TOP3A: variants seen among roughly 807,000 people sequenced by gnomAD.
The protein encoded by TOP3A is DNA topoisomerase 3-alpha.
TOP3A carries 64 observed loss-of-function variants against 111.3 expected under a neutral mutation model. The observed-to-expected ratio is 0.57, with a 90% CI of 0.47 to 0.71. The LOEUF is 0.71. Ranked by LOEUF, TOP3A falls within the 30% of genes least tolerant of loss-of-function variation. The pLI, the probability that TOP3A is intolerant of heterozygous loss-of-function variation, is 0.00. For synonymous variants in TOP3A, 484 were observed against 485.1 expected (o/e 1.00, Z 0.03); for missense variants, 1,104 against 1,285.0 (o/e 0.86, Z 2.15).
At chr17:18,291,178 T>C in intron 11 of TOP3A, 151 bp from the exon 12 acceptor site, 1 of 760,490 alleles carries the variant, frequency 1.3e-6, no homozygotes, top group Non-Finnish European at 2.1e-6. Flanking sequence ...GGCAAACAAG[T>C]CCTGGGGAGA....
intron 13 of TOP3A, among the ~76,000 whole-genome samples, chr17:18,288,884 G>A (rs182685987): frequency 3.6e-4 from 55 of 152,292 alleles, no homozygotes; most frequent in Non-Finnish European, 6.5e-4. Context: ...ATTCCTCCTT[G>A]TGTCCCTGGT....
intron 9 of TOP3A, among the ~76,000 whole-genome samples, chr17:18,296,219 T>A (rs911907659): frequency 6.6e-6 from 1 of 152,286 alleles, no homozygotes; most frequent in African/African-American, 2.4e-5. Flanking sequence ...AAGCTAACAA[T>A]GCTGATGACT....
In TOP3A at chr17:18,275,661, C is replaced by CT. The variant is rs1555567585; in HGVS notation, c.2828-682dup. On this transcript the variant is annotated intron_variant, in intron 18 of 18. Transcript: ENST00000321105. Reference sequence around the variant, plus strand: ...ACAGGCGTGAGCCACCGTGCCCGGCCTTTTTTTTTTGAGGTGGAGTCTGGC... The same window carrying CT: ...ACAGGCGTGAGCCACCGTGCCCGGCCTTTTTTTTTTTGAGGTGGAGTCTGGC... Among the ~76,000 whole-genome samples, 87 of 141,072 alleles carry CT rather than the reference C, an allele frequency of 6.2e-4. 1 individual carries two copies. The highest frequency in any genetic ancestry group is 3.4e-4 in the Non-Finnish European group (22 of 64,834). 92.5% of individuals were successfully genotyped at this position (141,072 alleles called of 152,430 possible).
chr17:18,285,703 G>A (rs941679102), intron 13 of TOP3A, among the ~76,000 whole-genome samples, 183 bp from the exon 14 acceptor site: 1 of 152,096 alleles, frequency 6.6e-6, no homozygotes, highest in African/African-American at 2.4e-5. Context: ...CAACTCTCTT[G>A]TTCCCTCACA....
At chr17:18,307,122 C>T (rs1981627657) in intron 3 of TOP3A, 156 bp from the exon 4 acceptor site, 1 of 570,816 alleles carries the variant, frequency 1.8e-6, no homozygotes, top group Admixed American at 3.2e-5. Flanking sequence ...GCATGACACA[C>T]TGTCCACTTC....
chr17:18,293,119 C>A (rs1003236575), intron 10 of TOP3A, among the ~76,000 whole-genome samples: 5 of 152,214 alleles, frequency 3.3e-5, no homozygotes, highest in African/African-American at 4.8e-5. Flanking sequence ...GCCTCATAGC[C>A]TGGGGCTTGT....
At chr17:18,279,640 C>T (rs1412980686) in intron 17 of TOP3A, among the ~76,000 whole-genome samples, 6 of 151,998 alleles carry the variant, frequency 3.9e-5, no homozygotes, top group African/African-American at 9.7e-5. Flanking sequence ...CCGCCTGTCT[C>T]GGCCTCCCAA....
chr17:18,308,223 CAAAAAAAA>C (rs201230376), intron 3 of TOP3A, 120 bp downstream of exon 3: 155 of 245,666 alleles, frequency 6.3e-4, no homozygotes, highest in South Asian at 2.5e-3. Flanking sequence ...TTGTCTCCAA[CAAAAAAAA>C]AAAAAAAAAA....
chr17:18,314,570 A>G, intron 1 of TOP3A, 29 bp downstream of exon 1: 1 of 1,589,410 alleles, frequency 6.3e-7, no homozygotes, highest in South Asian at 1.1e-5. Flanking sequence ...CCCTTAAGGC[A>G]CGCAGCTGAT....
chr17:18,280,702 G>A (rs1274494613), intron 16 of TOP3A, 44 bp from the exon 17 acceptor site: 1 of 1,603,694 alleles, frequency 6.2e-7, no homozygotes, highest in South Asian at 1.1e-5. Flanking sequence ...TGCAGGAGAT[G>A]CTCTCCGCTG....
At chr17:18,286,346 A>AC (rs1980101208) in intron 13 of TOP3A, among the ~76,000 whole-genome samples, 1 of 103,818 alleles carries the variant, frequency 9.6e-6, no homozygotes, top group African/African-American at 3.7e-5. Flanking sequence ...TACTAAAAAT[A>AC]CAAAAAAAAA....
At chr17:18,290,807 T>C (rs1232601911) in intron 12 of TOP3A, 35 bp downstream of exon 12, 3 of 1,607,720 alleles carry the variant, frequency 1.9e-6, no homozygotes, top group African/African-American at 1.3e-5. Flanking sequence ...ACAACACAAC[T>C]GTCCTCCCTC....
intron 1 of TOP3A, among the ~76,000 whole-genome samples, chr17:18,310,771 T>G (rs1981861755): frequency 1.3e-5 from 2 of 152,194 alleles, no homozygotes; most frequent in Non-Finnish European, 2.9e-5. Flanking sequence ...TGGTCAATTT[T>G]CTGTGCATTT....
At chr17:18,284,178 T>G (rs1342219740) in intron 15 of TOP3A, among the ~76,000 whole-genome samples, 1 of 151,278 alleles carries the variant, frequency 6.6e-6, no homozygotes, top group Non-Finnish European at 1.5e-5. Context: ...TTTTGTATTT[T>G]TTTTTTTTTT....
rs570745457 is a variant in TOP3A, at chr17:18,271,473, C to T, written c.*3329G>A. 10 of 160,236 alleles carry T rather than the reference C, an allele frequency of 6.2e-5. No homozygotes were observed. The South Asian group carries it at 1.4e-3, about 23-fold the overall frequency. The allele number at this position is 160,236 out of a possible 1,614,324, so 9.9% of individuals were successfully genotyped here. A position where few individuals can be genotyped will look rare whatever the true frequency, so the allele number is the denominator to read the frequency against. ...TTTGCAGTCGTGCCTGACCGTAAGCCTTCACTAGAGAGCCTCAATATGAAC... is the reference window on the plus strand; with the variant it reads ...TTTGCAGTCGTGCCTGACCGTAAGCTTTCACTAGAGAGCCTCAATATGAAC... On this transcript the variant is annotated 3_prime_UTR_variant, in exon 19 of 19. Transcript: ENST00000321105.
chr17:18,310,717 G>A (rs1168624130), intron 1 of TOP3A, among the ~76,000 whole-genome samples: 17 of 152,114 alleles, frequency 1.1e-4, no homozygotes, highest in Non-Finnish European at 1.5e-5. Flanking sequence ...GGCACATTTA[G>A]TGGACAAAAT....
At chr17:18,291,280 T>C (rs1324098059) in intron 11 of TOP3A, among the ~76,000 whole-genome samples, 1 of 152,206 alleles carries the variant, frequency 6.6e-6, no homozygotes, top group Non-Finnish European at 1.5e-5. Context: ...AGTGGTTCTT[T>C]GATGTAAACG....
intron 10 of TOP3A, among the ~76,000 whole-genome samples, chr17:18,293,347 G>A (rs1161450636): frequency 3.9e-5 from 6 of 152,074 alleles, no homozygotes; most frequent in Admixed American, 2.6e-4. Flanking sequence ...GTGTAGCAGC[G>A]CAAGCTTGGC....
At chr17:18,313,561 C>T (rs572348260) in intron 1 of TOP3A, 6 of 137,674 alleles carry the variant, frequency 4.4e-5, no homozygotes, top group Admixed American at 2.2e-4. Flanking sequence ...AATACAAGAC[C>T]TCTGGATTGC....
Sources: gnomAD v4.1 joint callset for allele counts (sites outside exome capture counted in the v4.1 genomes callset) on GRCh38, gnomAD v4.1.1 for gene constraint, MANE v1.5 for transcripts, NCBI Gene and HGNC (gene_info 2026-07-23, HGNC 2026-07-21) for gene names.